FSIP1: variants seen among roughly 807,000 people sequenced by gnomAD.
FSIP1 encodes the protein fibrous sheath-interacting protein 1.
A neutral mutation model predicts 60.9 loss-of-function variants in FSIP1; 65 were observed. The observed-to-expected ratio is 1.07, with a 90% CI of 0.87 to 1.31. The LOEUF is 1.31. Among genes scored for constraint, FSIP1 ranks in the 40% most tolerant of loss-of-function variants. FSIP1 has a pLI of 0.00. For synonymous variants in FSIP1, 209 were observed against 221.2 expected (o/e 0.94, Z 0.49); for missense variants, 675 against 665.5 (o/e 1.01, Z -0.16).
intron 5 of FSIP1, among the ~76,000 whole-genome samples, chr15:39,746,077 T>C (rs371390950): frequency 4.8e-4 from 73 of 151,984 alleles, no homozygotes; most frequent in African/African-American, 1.7e-3. Flanking sequence ...AGATCACATC[T>C]CTAAAAAATA....
At chr15:39,730,763 C>T (rs1184592443) in intron 8 of FSIP1, among the ~76,000 whole-genome samples, 2 of 152,092 alleles carry the variant, frequency 1.3e-5, no homozygotes, top group Non-Finnish European at 2.9e-5. Flanking sequence ...GGGACAGAAG[C>T]AAAGGTGCAG....
chr15:39,685,946 T>G (rs182293087), intron 10 of FSIP1, among the ~76,000 whole-genome samples: 14 of 152,290 alleles, frequency 9.2e-5, no homozygotes, highest in Admixed American at 9.2e-4. Context: ...ACTATAATTT[T>G]AACATTTAAC....
chr15:39,771,583 T>G (rs937554198), intron 2 of FSIP1, among the ~76,000 whole-genome samples: 1 of 152,166 alleles, frequency 6.6e-6, no homozygotes, highest in Admixed American at 6.5e-5. Flanking sequence ...GTAATAATCA[T>G]AGCCATCATT....
chr15:39,780,368 CAA>C (rs540551060), intron 1 of FSIP1, among the ~76,000 whole-genome samples: 1 of 151,924 alleles, frequency 6.6e-6, no homozygotes, highest in East Asian at 1.9e-4. Flanking sequence ...ACTAAAAATA[CAA>C]AAAAATTAGC....
At chr15:39,616,314 A>C (rs1219628495) in intron 11 of FSIP1, among the ~76,000 whole-genome samples, 1 of 152,216 alleles carries the variant, frequency 6.6e-6, no homozygotes, top group Non-Finnish European at 1.5e-5. Context: ...GCAGCACTTT[A>C]GACACCATGG....
chr15:39,625,899 C>G (rs886502639), intron 10 of FSIP1, among the ~76,000 whole-genome samples: 2 of 152,200 alleles, frequency 1.3e-5, no homozygotes, highest in Non-Finnish European at 2.9e-5. Context: ...CTAGCTCCCA[C>G]TGCTTGGCAA....
chr15:39,721,361 A>T (rs530325772), intron 9 of FSIP1, among the ~76,000 whole-genome samples: 2 of 152,364 alleles, frequency 1.3e-5, no homozygotes, highest in Admixed American at 6.5e-5. Context: ...AGGAATTTTT[A>T]AAATATCATG....
At chr15:39,706,246 T>C (rs1895265008) in intron 10 of FSIP1, among the ~76,000 whole-genome samples, 1 of 152,246 alleles carries the variant, frequency 6.6e-6, no homozygotes, top group Non-Finnish European at 1.5e-5. Context: ...AATCATATTA[T>C]AGCTGTTGTT....
intron 1 of FSIP1, among the ~76,000 whole-genome samples, chr15:39,780,161 T>A (rs755520965): frequency 4.6e-5 from 7 of 152,304 alleles, no homozygotes; most frequent in Non-Finnish European, 7.4e-5. Flanking sequence ...TTTATACCCA[T>A]CGACTCCTCC....
rs926087414 is a variant in FSIP1, at chr15:39,745,771, AT to A, written c.560-3872del. 6.3e-4 allele frequency among the ~76,000 whole-genome samples: 96 copies of A among 151,298 alleles called. 1 individual carries two copies. Among genetic ancestry groups the A allele is most frequent in the Non-Finnish European group, 2.7e-4 (18 of 67,734 alleles). On this transcript the variant is annotated intron_variant, in intron 5 of 11. Coordinates refer to ENST00000350221, the MANE Select transcript of FSIP1 (RefSeq NM_152597.5). The stretch of plus-strand genomic sequence containing the variant: ...AGACAGTGGCCCTAGCTGGGAATCC[AT>A]TTTTTTTTCATCAATGTTATAATAA...
At chr15:39,647,867 T>C (rs954938316) in intron 10 of FSIP1, among the ~76,000 whole-genome samples, 1 of 152,204 alleles carries the variant, frequency 6.6e-6, no homozygotes, top group Non-Finnish European at 1.5e-5. Context: ...AAATACTGCA[T>C]GACATAGAAT....
chr15:39,745,385 T>A (rs1033903009), intron 5 of FSIP1, among the ~76,000 whole-genome samples: 2 of 152,174 alleles, frequency 1.3e-5, no homozygotes, highest in Admixed American at 1.3e-4. Context: ...TGTGGCACAT[T>A]TCCGGAAACA....
chr15:39,778,957 C>T lies in FSIP1; in HGVS notation c.-7-2426G>A, dbSNP rs1055188860. On this transcript the variant is annotated intron_variant, in intron 1 of 11. Coordinates refer to ENST00000350221, the MANE Select transcript of FSIP1 (RefSeq NM_152597.5). Reference sequence around the variant, plus strand: ...ATTATGGAATTAATGACTTAGTAAGCGTGATACTAAGAATATAAATCAAAA... The same window carrying T: ...ATTATGGAATTAATGACTTAGTAAGTGTGATACTAAGAATATAAATCAAAA... Among the ~76,000 whole-genome samples the T allele has an allele frequency of 4.0e-5, 6 of 151,880 alleles. No individual in the cohort carries two copies. In the East Asian group the frequency reaches 5.8e-4, roughly 15 times the overall value.
intron 10 of FSIP1, among the ~76,000 whole-genome samples, chr15:39,640,084 C>T (rs1892298892): frequency 6.6e-6 from 1 of 152,136 alleles, no homozygotes; most frequent in Non-Finnish European, 1.5e-5. Context: ...TAAATGAATA[C>T]TTGTGTTAAC....
At chr15:39,727,496 T>C (rs942812046) in intron 8 of FSIP1, among the ~76,000 whole-genome samples, 5 of 152,216 alleles carry the variant, frequency 3.3e-5, no homozygotes, top group African/African-American at 9.6e-5. Flanking sequence ...ATCAGGTCTG[T>C]ATTTTAAAAC....
At chr15:39,703,928 C>T (rs528504620) in intron 10 of FSIP1, among the ~76,000 whole-genome samples, 2 of 152,290 alleles carry the variant, frequency 1.3e-5, no homozygotes, top group African/African-American at 4.8e-5. Context: ...AACTGTACTA[C>T]ATTCTCAACT....
chr15:39,614,270 T>C (rs948588984), intron 11 of FSIP1, among the ~76,000 whole-genome samples: 3 of 152,016 alleles, frequency 2.0e-5, no homozygotes, highest in Non-Finnish European at 2.9e-5. Flanking sequence ...CAGGAGCATT[T>C]CTATACATTA....
intron 10 of FSIP1, among the ~76,000 whole-genome samples, chr15:39,688,172 C>A (rs988232749): frequency 3.9e-5 from 6 of 152,190 alleles, no homozygotes; most frequent in Non-Finnish European, 7.3e-5. Context: ...AAAATACACA[C>A]CTAAAAGAAA....
At chr15:39,701,979 T>G (rs1895078428) in intron 10 of FSIP1, among the ~76,000 whole-genome samples, 1 of 152,186 alleles carries the variant, frequency 6.6e-6, no homozygotes, top group South Asian at 2.1e-4. Flanking sequence ...CAAGACCATT[T>G]TCAACTGAAC....
Sources: allele counts gnomAD v4.1 joint callset (sites outside exome capture counted in the v4.1 genomes callset), GRCh38; gene constraint gnomAD v4.1.1; transcripts MANE v1.5; gene names NCBI Gene and HGNC (gene_info 2026-07-23, HGNC 2026-07-21).